APOBEC3G: variants seen among roughly 807,000 people sequenced by gnomAD.
The protein encoded by APOBEC3G is DNA dC->dU-editing enzyme APOBEC-3G.
A neutral mutation model predicts 50.0 loss-of-function variants in APOBEC3G; 44 were observed. The observed-to-expected ratio is 0.88, with a 90% CI of 0.69 to 1.13. APOBEC3G has a LOEUF of 1.13. Among genes scored for constraint, APOBEC3G ranks in the 50% most tolerant of loss-of-function variants. The pLI is 0.00. For synonymous variants in APOBEC3G, 156 were observed against 175.3 expected (o/e 0.89, Z 0.87); for missense variants, 469 against 492.0 (o/e 0.95, Z 0.44).
Position 39,087,519 on chromosome 22 carries a change from T to A in APOBEC3G, c.*98T>A. The A allele has an allele frequency of 6.2e-7, 1 of 1,606,474 alleles. No individual in the cohort carries two copies. Among genetic ancestry groups the A allele is most frequent in the Non-Finnish European group, 8.5e-7 (1 of 1,173,542 alleles). On this transcript the variant is annotated 3_prime_UTR_variant, in exon 8 of 8. Coordinates refer to ENST00000407997, the MANE Select transcript of APOBEC3G (RefSeq NM_021822.4). ...AATGCAAACAGGCTGTTCACCACCA[T>A]CTCCAGCTGATCACAGACACCAGCA... is the stretch of plus-strand genomic sequence containing the variant.
chr22:39,080,192 G>T, intron 2 of APOBEC3G: 1 of 779,118 alleles, frequency 1.3e-6, no homozygotes. Flanking sequence ...CTGACTGCAG[G>T]CAGGGAACAA....
At chr22:39,083,544 G>A (rs1157812888) in intron 4 of APOBEC3G, among the ~76,000 whole-genome samples, 187 bp from the exon 5 acceptor site, 1 of 152,204 alleles carries the variant, frequency 6.6e-6, no homozygotes, top group African/African-American at 2.4e-5. Flanking sequence ...CCCCAGAAGG[G>A]GTCAGAGGGG....
chr22:39,077,687 G>A (rs576903924), intron 1 of APOBEC3G, among the ~76,000 whole-genome samples: 35 of 152,318 alleles, frequency 2.3e-4, no homozygotes, highest in Non-Finnish European at 4.0e-4. Context: ...TGTGCTTCCC[G>A]CCATTCCTGA....
chr22:39,081,763 A>C (rs1601521468), intron 4 of APOBEC3G, 178 bp downstream of exon 4: 4 of 545,818 alleles, frequency 7.3e-6, no homozygotes, highest in African/African-American at 3.9e-5. Flanking sequence ...TGCTCCCTCC[A>C]CCTCCCTGCC....
chr22:39,078,199 C>G (rs537563034), intron 1 of APOBEC3G, among the ~76,000 whole-genome samples: 1 of 151,990 alleles, frequency 6.6e-6, no homozygotes, highest in East Asian at 1.9e-4. Context: ...GCGGAGTTTG[C>G]AGTGAGCTGA....
rs1169111749 is a variant in APOBEC3G, at chr22:39,079,035, A to G, written c.121A>G (p.Thr41Ala). 2 of 1,614,054 alleles carry G rather than the reference A, an allele frequency of 1.2e-6. No homozygotes were observed. Among genetic ancestry groups the G allele is most frequent in the East Asian group, 2.2e-5 (1 of 44,896 alleles). ...CGTCTGGCTGTGCTACGAAGTGAAAACAAAGGGTCCCTCAAGGCCCCCTTT... is the reference window on the plus strand; with the variant it reads ...CGTCTGGCTGTGCTACGAAGTGAAAGCAAAGGGTCCCTCAAGGCCCCCTTT... The part of the protein sequence containing the change: ...NTVWLCYEVK[T>A]KGPSRPPLDA... Residue 41 changes from threonine (T) to alanine (A), a missense_variant, in exon 2 of 8, where the codon ACA becomes GCA. Coordinates refer to ENST00000407997, the MANE Select transcript of APOBEC3G (RefSeq NM_021822.4).
chr22:39,084,669 TC>T (rs1450593962), intron 5 of APOBEC3G, among the ~76,000 whole-genome samples: 1 of 152,154 alleles, frequency 6.6e-6, no homozygotes, highest in Non-Finnish European at 1.5e-5. Context: ...CAGTGCCTGC[TC>T]CTGGGCTTCA....
intron 5 of APOBEC3G, among the ~76,000 whole-genome samples, chr22:39,085,945 C>G (rs117309320): frequency 6.6e-6 from 1 of 152,094 alleles, no homozygotes; most frequent in Non-Finnish European, 1.5e-5. Flanking sequence ...TTGGTGCCCC[C>G]GTCTAATTTT....
At chr22:39,078,455 A>G (rs924773889) in intron 1 of APOBEC3G, 1 of 156,170 alleles carries the variant, frequency 6.4e-6, no homozygotes, top group African/African-American at 2.4e-5. Context: ...ATTTGTCCCC[A>G]GCTCTGTGGC....
At chr22:39,079,730 C>G (rs1928345851) in intron 2 of APOBEC3G, 2 of 152,076 alleles carry the variant, frequency 1.3e-5, no homozygotes, top group Admixed American at 1.3e-4. Flanking sequence ...CACACCGAGT[C>G]TTTGAAATGA....
chr22:39,087,628 A>G lies in APOBEC3G; in HGVS notation c.*207A>G, dbSNP rs578180167. The G allele has an allele frequency of 1.7e-3, 1,779 of 1,024,652 alleles. 5 individuals carry two copies. Among genetic ancestry groups the G allele is most frequent in the Middle Eastern group, 3.3e-3 (11 of 3,370 alleles). The allele number at this position is 1,024,652 out of a possible 1,614,324, so 63.5% of individuals were successfully genotyped here. ...TCAAAAATTTATTTATATTTCAAGA[A>G]TAAAGTACTAAGATTGTGCTCAATA... On this transcript the variant is annotated 3_prime_UTR_variant, in exon 8 of 8. Coordinates refer to ENST00000407997, the MANE Select transcript of APOBEC3G (RefSeq NM_021822.4).
intron 1 of APOBEC3G, among the ~76,000 whole-genome samples, chr22:39,078,215 C>T (rs1335387854): frequency 3.3e-5 from 5 of 152,086 alleles, no homozygotes; most frequent in Non-Finnish European, 7.4e-5. Flanking sequence ...GCTGAGGTCG[C>T]CCCATTGCAC....
At chr22:39,077,222 G>A (rs1374738679), upstream of APOBEC3G, 101 of 1,452,920 alleles carry the variant, frequency 7.0e-5, no homozygotes, top group Non-Finnish European at 9.1e-5. Context: ...CAGCGCCTGA[G>A]CAGGAAGCGG....
intron 2 of APOBEC3G, 103 bp from the exon 3 acceptor site, chr22:39,080,830 A>C: frequency 9.3e-7 from 1 of 1,074,026 alleles, no homozygotes; most frequent in Non-Finnish European, 1.3e-6. Flanking sequence ...TTCAATGGCA[A>C]GATCTCCTGG....
Position 39,086,481 on chromosome 22 carries a change from G to A in APOBEC3G, c.938G>A (p.Arg313His), listed in dbSNP as rs542681958. ...KHVSLCIFTARIYDDQGRCQE... is the reference protein window; with the variant it reads ...KHVSLCIFTAHIYDDQGRCQE... ...GTGAGCCTGTGCATCTTCACTGCCC[G>A]CATCTATGATGATCAAGGAAGATGT... The change falls in exon 6 of 8, where the codon CGC (arginine) becomes CAC (histidine). Residue 313 changes from arginine (R) to histidine (H), a missense_variant. Physicochemically the swap from Arg to His is conservative, Grantham distance 29. Coordinates refer to ENST00000407997, the MANE Select transcript of APOBEC3G (RefSeq NM_021822.4). 6.0e-5 allele frequency: 97 copies of A among 1,614,146 alleles called. No homozygotes were observed. The Middle Eastern group carries it at 1.2e-3, about 19-fold the overall frequency.
chr22:39,080,126 C>G (rs531067457), intron 2 of APOBEC3G: 2 of 284,710 alleles, frequency 7.0e-6, no homozygotes, highest in East Asian at 1.7e-4. Flanking sequence ...ACTCAGTAGT[C>G]CCTTGGCCAT....
chr22:39,077,101 C>T (rs575489839), upstream of APOBEC3G: 3 of 602,318 alleles, frequency 5.0e-6, no homozygotes, highest in African/African-American at 5.6e-5. Context: ...TCCTGCCGCA[C>T]AGAGCGGCCT....
chr22:39,082,973 C>G (rs1289914779), intron 4 of APOBEC3G: 1 of 152,650 alleles, frequency 6.6e-6, no homozygotes, highest in Non-Finnish European at 1.5e-5. Flanking sequence ...CAGCCTCTCT[C>G]TGGGCCTCTC....
chr22:39,087,562 C>T lies in APOBEC3G; in HGVS notation c.*141C>T, dbSNP rs1232741570. 5 of 1,483,210 alleles carry T rather than the reference C, an allele frequency of 3.4e-6. No individual in the cohort carries two copies. The highest frequency in any genetic ancestry group is 4.6e-6 in the Non-Finnish European group (5 of 1,085,566). The allele number at this position is 1,483,210 out of a possible 1,614,324, so 91.9% of individuals were successfully genotyped here. On this transcript the variant is annotated 3_prime_UTR_variant, in exon 8 of 8. Transcript: ENST00000407997. ...CACCAGCAAAGCAATGCACTCCTGA[C>T]CAAGTAGATTCTTTTAAAAATTAGA...
Sources: allele counts gnomAD v4.1 joint callset (sites outside exome capture counted in the v4.1 genomes callset), GRCh38; gene constraint gnomAD v4.1.1; transcripts MANE v1.5; gene names NCBI Gene and HGNC (gene_info 2026-07-23, HGNC 2026-07-21).